The following ELAVL4 variants were observed in gnomAD, a reference collection of about 807,000 sequenced individuals.
ELAVL4 encodes the protein ELAV like RNA binding protein 4, also known as ELAV-like protein 4.
A neutral mutation model predicts 35.6 loss-of-function variants in ELAVL4; 1 was observed. The ratio of observed to expected loss-of-function variants is 0.03; its 90% CI spans 0.01 to 0.13. The LOEUF is 0.13. Among genes scored for constraint, ELAVL4 ranks in the 10% least tolerant of loss-of-function variants. The probability of loss-of-function intolerance (pLI) is 1.00; values close to 1 mark genes in which losing one functional copy is unlikely to be tolerated. For synonymous variants in ELAVL4, 156 were observed against 171.0 expected (o/e 0.91, Z 0.69); for missense variants, 267 against 464.9 (o/e 0.57, Z 3.91).
Position 50,145,077 on chromosome 1 carries a change from A to G in ELAVL4, c.130A>G (p.Ser44Gly). 1 of 1,614,070 alleles carries G rather than the reference A, an allele frequency of 6.2e-7. No individual in the cohort carries two copies. The highest frequency in any genetic ancestry group is 8.5e-7 in the Non-Finnish European group (1 of 1,179,964). Residue 44 changes from serine (S) to glycine (G), a missense_variant, in exon 2 of 7, where the codon AGC (serine) becomes GGC (glycine). Coordinates refer to ENST00000371824, the MANE Select transcript of ELAVL4 (RefSeq NM_001144774.3). Reference protein sequence around the residue: ...PMQTGATTDDSKTNLIVNYLP... With the variant: ...PMQTGATTDDGKTNLIVNYLP... ...GCAAACAGGGGCAACCACAGATGAC[A>G]GCAAAACCAACCTCATCGTCAACTA...
At chr1:50,190,003 T>A (rs1004694423) in intron 3 of ELAVL4, among the ~76,000 whole-genome samples, 1 of 152,166 alleles carries the variant, frequency 6.6e-6, no homozygotes, top group African/African-American at 2.4e-5. Context: ...GGACTTCAGA[T>A]CTTCCATAGA....
At chr1:50,184,311 A>G (rs1250515587) in intron 3 of ELAVL4, among the ~76,000 whole-genome samples, 2 of 151,728 alleles carry the variant, frequency 1.3e-5, no homozygotes, top group Non-Finnish European at 2.9e-5. Flanking sequence ...GGGAAGGCAC[A>G]GGTTTTCAGA....
At chr1:50,195,869 A>C in intron 5 of ELAVL4, 83 bp downstream of exon 5, 2 of 1,509,526 alleles carry the variant, frequency 1.3e-6, no homozygotes, top group Non-Finnish European at 1.8e-6. Flanking sequence ...GTCCTGACAA[A>C]TGGGGCAAGG....
chr1:50,089,337 G>T (rs1199215677), intron 1 of ELAVL4, among the ~76,000 whole-genome samples: 1 of 152,134 alleles, frequency 6.6e-6, no homozygotes, highest in African/African-American at 2.4e-5. Flanking sequence ...TAACTTTAAA[G>T]GTTTTCCTTT....
In ELAVL4 at chr1:50,193,825, C is replaced by T; in HGVS notation, c.415C>T (p.Leu139Phe). Reference sequence around the variant, plus strand: ...GGATGCTAACCTCTATGTTAGCGGCCTTCCCAAAACCATGACCCAGAAGGA... The same window carrying T: ...GGATGCTAACCTCTATGTTAGCGGCTTTCCCAAAACCATGACCCAGAAGGA... Reference protein sequence around the residue: ...IRDANLYVSGLPKTMTQKELE... With the variant: ...IRDANLYVSGFPKTMTQKELE... The change falls in exon 4 of 7, where the codon CTT becomes TTT. Residue 139 changes from leucine (L) to phenylalanine (F), a missense_variant. Physicochemically the swap from Leu to Phe is conservative, Grantham distance 22 (BLOSUM62 0). Around this residue, in one of 2 missense-constraint regions of ELAVL4, gnomAD observed 216 missense variants for 409.5 expected, o/e 0.53. Coordinates refer to ENST00000371824, the MANE Select transcript of ELAVL4 (RefSeq NM_001144774.3). The T allele has an allele frequency of 6.2e-7, 1 of 1,614,098 alleles. No individual in the cohort carries two copies. Among genetic ancestry groups the T allele is most frequent in the East Asian group, 2.2e-5 (1 of 44,868 alleles).
At chr1:50,131,514 G>C (rs1557750166) in intron 1 of ELAVL4, among the ~76,000 whole-genome samples, 1 of 152,066 alleles carries the variant, frequency 6.6e-6, no homozygotes, top group Admixed American at 6.6e-5. Context: ...AATGGGCCGA[G>C]TGCGGTGACT....
chr1:50,131,697 G>A (rs145634836), intron 1 of ELAVL4, among the ~76,000 whole-genome samples: 2 of 152,048 alleles, frequency 1.3e-5, no homozygotes, highest in African/African-American at 4.8e-5. Flanking sequence ...GGCTGAGGCA[G>A]GAGAATCACT....
intron 1 of ELAVL4, chr1:50,110,006 T>G: frequency 1.4e-6 from 2 of 1,432,884 alleles, no homozygotes; most frequent in Non-Finnish European, 1.9e-6. Flanking sequence ...CCCAGCCCTG[T>G]GTGTGTGTGT....
At chr1:50,148,984 C>G (rs1674245830) in intron 2 of ELAVL4, among the ~76,000 whole-genome samples, 1 of 152,066 alleles carries the variant, frequency 6.6e-6, no homozygotes, top group South Asian at 2.1e-4. Context: ...CAGGGTATGT[C>G]TTGAAACCAG....
chr1:50,165,301 G>T (rs968081397), intron 2 of ELAVL4, among the ~76,000 whole-genome samples: 1 of 151,810 alleles, frequency 6.6e-6, no homozygotes, highest in Non-Finnish European at 1.5e-5. Flanking sequence ...GAAGTGACTG[G>T]CTACCACCCT....
intron 1 of ELAVL4, chr1:50,109,705 C>T: frequency 1.8e-6 from 1 of 544,662 alleles, no homozygotes; most frequent in Non-Finnish European, 3.3e-6. Flanking sequence ...GTCAAAACGG[C>T]AAAGAGAGTG....
At chr1:50,080,947 G>T (rs917035010) in intron 1 of ELAVL4, among the ~76,000 whole-genome samples, 1 of 152,094 alleles carries the variant, frequency 6.6e-6, no homozygotes, top group Non-Finnish European at 1.5e-5. Flanking sequence ...GTCGATACTC[G>T]GTTATATGTA....
exon 1 of ELAVL4, chr1:50,048,064 T>C: frequency 7.4e-7 from 1 of 1,356,070 alleles, no homozygotes; most frequent in Non-Finnish European, 9.6e-7. Flanking sequence ...CAGAGCGAGC[T>C]AGAGAGCGAG....
At chr1:50,048,773 A>G (rs1663205935) in intron 1 of ELAVL4, among the ~76,000 whole-genome samples, 1 of 152,090 alleles carries the variant, frequency 6.6e-6, no homozygotes, top group Non-Finnish European at 1.5e-5. Flanking sequence ...GTATTTCTAG[A>G]CGAGATTGGG....
chr1:50,134,345 G>A (rs986342103), intron 1 of ELAVL4, among the ~76,000 whole-genome samples: 3 of 152,166 alleles, frequency 2.0e-5, no homozygotes, highest in African/African-American at 7.2e-5. Context: ...TTTGTGGGCA[G>A]TTTTTCAAAT....
chr1:50,117,420 C>T (rs974545670), intron 1 of ELAVL4, among the ~76,000 whole-genome samples: 1 of 152,116 alleles, frequency 6.6e-6, no homozygotes, highest in Non-Finnish European at 1.5e-5. Flanking sequence ...TGTGCCTGTA[C>T]AGGCAAGCCT....
At chr1:50,169,370 T>C (rs957710870) in intron 2 of ELAVL4, among the ~76,000 whole-genome samples, 2 of 152,174 alleles carry the variant, frequency 1.3e-5, no homozygotes, top group African/African-American at 4.8e-5. Flanking sequence ...AAGTTGACGC[T>C]CAGTATTAAC....
chr1:50,099,560 CAAAAAAAAAA>C (rs750905424), upstream of ELAVL4, among the ~76,000 whole-genome samples: 1 of 56,316 alleles, frequency 1.8e-5, no homozygotes. Flanking sequence ...AACTCCGCCT[CAAAAAAAAAA>C]AAAAAAAAAA....
At chr1:50,109,273 T>G (rs1666663262) in intron 1 of ELAVL4, 75 bp downstream of exon 1, 1 of 1,489,958 alleles carries the variant, frequency 6.7e-7, no homozygotes, top group Non-Finnish European at 9.3e-7. Context: ...TTGACCAGTC[T>G]TATGCTTGCA....
Sources: gnomAD v4.1 joint callset for allele counts (sites outside exome capture counted in the v4.1 genomes callset) on GRCh38, gnomAD v4.1.1 for gene constraint, gnomAD v4.1.1 regional missense constraint, MANE v1.5 for transcripts, NCBI Gene and HGNC (gene_info 2026-07-23, HGNC 2026-07-21) for gene names.